The following RLF variants were observed in gnomAD, a reference collection of about 807,000 sequenced individuals.
RLF encodes the protein zinc finger protein Rlf.
In RLF, 7 loss-of-function variants were observed where a neutral mutation model predicts 162.9. The ratio of observed to expected loss-of-function variants is 0.04; its 90% CI spans 0.02 to 0.08. RLF has a LOEUF of 0.08. RLF is among the 10% of genes least tolerant of loss of function. The pLI is 1.00. For missense variants in RLF, 1,664 were observed against 2,244.7 expected (o/e 0.74, Z 5.23); for synonymous variants, 782 against 791.5 (o/e 0.99, Z 0.20).
intron 6 of RLF, among the ~76,000 whole-genome samples, chr1:40,225,560 CAG>C (rs1369772109): frequency 1.7e-5 from 2 of 119,850 alleles, no homozygotes; most frequent in East Asian, 2.4e-4. Context: ...GCCTGGGTGA[CAG>C]AGCAAGACTC....
In RLF at chr1:40,236,271, TAGA is replaced by T. The variant is rs1643216521; in HGVS notation, c.1576_1578del (p.Arg526del). 2.5e-6 allele frequency: 4 copies of T among 1,613,766 alleles called. No homozygotes were observed. Among genetic ancestry groups the T allele is most frequent in the Non-Finnish European group, 3.4e-6 (4 of 1,179,910 alleles). On this transcript the variant is annotated inframe_deletion, in exon 8 of 8. Transcript: ENST00000372771. The surrounding 1 kb of genome is among the most constrained non-coding windows in gnomAD (Gnocchi z 7.7). ...ATGAGGGTAAAGAAGATAAACAATA[TAGA>T]AGAAGAGATTTGACAGATCAGCATA...
rs201983898 is a variant in RLF, at chr1:40,161,486, G to C, written c.87G>C (p.Glu29Asp). ...TAGCGGGAGCCGGAGATGGAGTCGA[G>C]ACTGAGTCCATGGTTCGGGGTCATC... The part of the protein sequence containing the change: ...PAVAGAGDGV[E>D]TESMVRGHRP... Residue 29 changes from glutamate to aspartate, a missense_variant, in exon 1 of 8, where the codon GAG becomes GAC. Glu to Asp is a conservative substitution (Grantham distance 45). Around this residue, in one of 15 missense-constraint regions of RLF, gnomAD observed 134 missense variants for 124.3 expected, o/e 1.08. Transcript: ENST00000372771. This position sits in a 1 kb window ranked among gnomAD's most constrained non-coding sequence, Gnocchi z 4.4. 5 of 1,598,766 alleles carry C rather than the reference G, an allele frequency of 3.1e-6. No homozygotes were observed. The East Asian group carries it at 1.2e-4, about 37-fold the overall frequency.
chr1:40,195,483 A>G (rs1171319635), intron 3 of RLF, 149 bp from the exon 4 acceptor site: 1 of 571,458 alleles, frequency 1.7e-6, no homozygotes, highest in East Asian at 3.3e-5. Flanking sequence ...AGAATTTCAC[A>G]AGGCTTTGAG....
rs1557749376 is a variant in RLF, at chr1:40,202,545, G to A, written c.741G>A (p.Val247=). ...LCAESKEISN[V]SSFQQAYITC... ...CAGAATCTAAAGAAATTTCAAATGT[G>A]TCATCTTTTCAGCAAGCCTATATCA... Residue 247 remains valine, a synonymous_variant, in exon 5 of 8, where the codon GTG becomes GTA. Transcript: ENST00000372771. The A allele has an allele frequency of 2.6e-6, 4 of 1,567,364 alleles. No individual in the cohort carries two copies. The highest frequency in any genetic ancestry group is 1.7e-6 in the Non-Finnish European group (2 of 1,166,376).
At chr1:40,169,601 C>T (rs1293047307) in intron 1 of RLF, among the ~76,000 whole-genome samples, 4 of 113,526 alleles carry the variant, frequency 3.5e-5, no homozygotes, top group East Asian at 2.6e-4. Context: ...CCAGCCTGGG[C>T]GACAGAGCGA....
At chr1:40,190,081 A>G (rs1269213663) in intron 2 of RLF, among the ~76,000 whole-genome samples, 2 of 151,962 alleles carry the variant, frequency 1.3e-5, no homozygotes, top group African/African-American at 4.8e-5. Context: ...TTTTATGATC[A>G]TATTTTTCCT....
Position 40,190,801 on chromosome 1 carries a change from C to T in RLF, c.422C>T (p.Ser141Phe), listed in dbSNP as rs1486379769. 18 of 1,612,608 alleles carry T rather than the reference C, an allele frequency of 1.1e-5. No individual in the cohort carries two copies. The highest frequency in any genetic ancestry group is 1.4e-5 in the Non-Finnish European group (17 of 1,179,070). ...LSCFELLLSVSESELPCEVWL... is the reference protein window; with the variant it reads ...LSCFELLLSVFESELPCEVWL... Reference sequence around the variant, plus strand: ...TGTTTCGAATTACTGCTTTCAGTGTCTGAAAGTGAACTGCCATGTGAAGTC... The same window carrying T: ...TGTTTCGAATTACTGCTTTCAGTGTTTGAAAGTGAACTGCCATGTGAAGTC... The change falls in exon 3 of 8, where the codon TCT becomes TTT. Residue 141 changes from serine (S) to phenylalanine (F), a missense_variant. By Grantham distance (155) the Ser-to-Phe change is radical. This residue lies in a region of RLF where 287 missense variants were observed against 404.9 expected (regional missense o/e 0.71). Coordinates refer to ENST00000372771, the MANE Select transcript of RLF (RefSeq NM_012421.4).
intron 5 of RLF, among the ~76,000 whole-genome samples, chr1:40,205,271 GGCT>G (rs1642774930): frequency 2.6e-5 from 4 of 152,110 alleles, no homozygotes; most frequent in Admixed American, 6.6e-5. Context: ...AGGAGGCAGA[GGCT>G]GCAGTAAGCT....
chr1:40,220,538 A>C (rs1375702208), intron 5 of RLF, among the ~76,000 whole-genome samples: 4 of 152,192 alleles, frequency 2.6e-5, no homozygotes, highest in African/African-American at 9.7e-5. Flanking sequence ...ATTTTTAAAA[A>C]GTATACTCTC....
At chr1:40,162,097 C>T (rs1222876783) in intron 1 of RLF, among the ~76,000 whole-genome samples, 1 of 151,912 alleles carries the variant, frequency 6.6e-6, no homozygotes, top group Non-Finnish European at 1.5e-5. Flanking sequence ...ATCTTCTGGG[C>T]TCCTAAAAGG....
Position 40,240,519 on chromosome 1 carries a change from G to T in RLF, c.*72G>T. On this transcript the variant is annotated 3_prime_UTR_variant, in exon 8 of 8. Transcript: ENST00000372771. The stretch of plus-strand genomic sequence containing the variant: ...GGGGACATTTGCCAACTCGAACAAA[G>T]GCTGAGAAGCAGCCACACCGTTGTT... 2.7e-6 allele frequency: 3 copies of T among 1,095,234 alleles called. No homozygotes were observed. Among genetic ancestry groups the T allele is most frequent in the Non-Finnish European group, 4.1e-6 (3 of 739,680 alleles). 67.8% of individuals were successfully genotyped at this position (1,095,234 alleles called of 1,614,324 possible). A position where few individuals can be genotyped will look rare whatever the true frequency, so the allele number is the denominator to read the frequency against.
At chr1:40,234,984 G>A (rs1410592234) in intron 7 of RLF, among the ~76,000 whole-genome samples, 2 of 151,882 alleles carry the variant, frequency 1.3e-5, no homozygotes, top group Admixed American at 1.3e-4. Context: ...GATTCTTTCA[G>A]GAGGAAATGG....
chr1:40,166,909 C>T (rs5028951), intron 1 of RLF, among the ~76,000 whole-genome samples: 16,104 of 150,960 alleles, frequency 0.11, 951 homozygotes, highest in South Asian at 0.15. Context: ...ATGTAAATGA[C>T]GAGTTAATGG....
rs1489277666 is a variant in RLF, at chr1:40,237,329, C to A, written c.2627C>A (p.Ala876Asp). 6.2e-7 allele frequency: 1 copy of A among 1,613,914 alleles called. No individual in the cohort carries two copies. Among genetic ancestry groups the A allele is most frequent in the Non-Finnish European group, 8.5e-7 (1 of 1,179,928 alleles). Residue 876 changes from alanine to aspartate, a missense_variant, in exon 8 of 8, where the codon GCT becomes GAT. Coordinates refer to ENST00000372771, the MANE Select transcript of RLF (RefSeq NM_012421.4). This position sits in a 1 kb window ranked among gnomAD's most constrained non-coding sequence, Gnocchi z 4.4. ...LPEDLFCAESANSQIDTETAE... is the reference protein window; with the variant it reads ...LPEDLFCAESDNSQIDTETAE... ...GAAGATCTTTTCTGTGCAGAATCAG[C>A]TAATTCTCAAATAGATACAGAAACT...
chr1:40,223,382 C>G (rs932427390), intron 6 of RLF, among the ~76,000 whole-genome samples: 2 of 152,052 alleles, frequency 1.3e-5, no homozygotes, highest in Non-Finnish European at 2.9e-5. Flanking sequence ...ATGGATAATG[C>G]TATAGGAGAT....
At chr1:40,228,096 C>G (rs959483520) in intron 6 of RLF, among the ~76,000 whole-genome samples, 1 of 151,880 alleles carries the variant, frequency 6.6e-6, no homozygotes. Context: ...ACCAGCCTGG[C>G]CAACATGGTG....
In RLF at chr1:40,240,051, A is replaced by G; in HGVS notation, c.5349A>G (p.Lys1783=). The change falls in exon 8 of 8, where the codon AAA becomes AAG. Residue 1783 remains lysine (K), a synonymous_variant. Transcript: ENST00000372771. The part of the protein sequence containing the change: ...FLKFIQESEE[K]EDDFDDWEPS... ...AATTTATTCAGGAAAGTGAAGAGAAAGAAGATGATTTTGATGATTGGGAGC... is the reference window on the plus strand; with the variant it reads ...AATTTATTCAGGAAAGTGAAGAGAAGGAAGATGATTTTGATGATTGGGAGC... 6.2e-7 allele frequency: 1 copy of G among 1,614,096 alleles called. No individual in the cohort carries two copies. The highest frequency in any genetic ancestry group is 8.5e-7 in the Non-Finnish European group (1 of 1,179,942).
chr1:40,195,594 T>C, intron 3 of RLF, 38 bp from the exon 4 acceptor site: 1 of 1,562,610 alleles, frequency 6.4e-7, no homozygotes, highest in Non-Finnish European at 8.7e-7. Context: ...ATTTTTATAT[T>C]GTTAACTTAT....
At chr1:40,185,515 A>AT (rs1557742295) in intron 1 of RLF, among the ~76,000 whole-genome samples, 1 of 89,552 alleles carries the variant, frequency 1.1e-5, no homozygotes, top group Non-Finnish European at 2.1e-5. Flanking sequence ...CTAATCTTGC[A>AT]TTAAAAAAAA....
Sources: gnomAD v4.1 joint callset for allele counts (sites outside exome capture counted in the v4.1 genomes callset) on GRCh38, gnomAD v4.1.1 for gene constraint, gnomAD v4.1.1 regional missense constraint, Gnocchi (gnomAD v3.1) non-coding constraint, MANE v1.5 for transcripts, NCBI Gene and HGNC (gene_info 2026-07-23, HGNC 2026-07-21) for gene names.